Variants in FHOD3 observed in about 807,000 individuals in gnomAD.
FHOD3 encodes FH1/FH2 domain-containing protein 3.
Under a neutral mutation model 173.0 loss-of-function variants are expected in FHOD3, and 90 were observed. That is an observed-to-expected ratio of 0.52 (90% CI 0.44 to 0.62). The LOEUF is 0.62. Ranked by LOEUF, FHOD3 falls within the 20% of genes least tolerant of loss-of-function variation. FHOD3 has a pLI of 0.00. For synonymous variants in FHOD3, 828 were observed against 823.0 expected, an observed-to-expected ratio of 1.01 and a Z score of -0.10; for missense variants, 1,945 against 2,034.7, an observed-to-expected ratio of 0.96 and a Z score of 0.85.
chr18:36,719,586 A>G (rs1474366012), intron 19 of FHOD3, among the ~76,000 whole-genome samples: 6 of 152,218 alleles, frequency 3.9e-5, no homozygotes, highest in Non-Finnish European at 7.3e-5. Flanking sequence ...GGGGTAGGAG[A>G]AAGCACTTTG....
chr18:36,681,305 T>G, intron 14 of FHOD3, 131 bp from the exon 15 acceptor site: 1 of 1,045,230 alleles, frequency 9.6e-7, no homozygotes, highest in East Asian at 2.5e-5. Flanking sequence ...CCCGAGGCAT[T>G]CAGTGATTTT....
intron 24 of FHOD3, among the ~76,000 whole-genome samples, chr18:36,747,420 A>G (rs2042201730): frequency 1.3e-5 from 2 of 152,222 alleles, no homozygotes; most frequent in Admixed American, 1.3e-4. Context: ...TAACAAATTG[A>G]ACCCTGCATC....
At position 36,526,294 on chromosome 18, in the gene FHOD3, C is replaced by T. The variant is rs143036872; in HGVS notation, c.511+13751C>T. Among the ~76,000 whole-genome samples the T allele has an allele frequency of 2.4e-3, 367 of 152,230 alleles. 1 individual carries two copies. Among genetic ancestry groups the T allele is most frequent in the African/African-American group, 8.4e-3 (348 of 41,538 alleles). ...TGAAATCATTCTTTTTTTCCCCCCT[C>T]AATTTTGTTTGCATCAGCATTATGT... On this transcript the variant is annotated intron_variant, in intron 5 of 28. Transcript: ENST00000590592.
rs565028489 is a variant in FHOD3 at position 36,639,662 on chromosome 18, C to CAAA, written c.1197-9642_1197-9640dup. On this transcript the variant is annotated intron_variant, in intron 10 of 28. Transcript: ENST00000590592. ...TGGGCGACAGAGCGAGACTCCATCT[C>CAAA]AAAAAAAAAAAAAAGCTGGGCGTGG... Among the ~76,000 whole-genome samples the CAAA allele has an allele frequency of 1.4e-4, 11 of 77,872 alleles. No individual in the cohort carries two copies. The East Asian group carries it at 1.4e-3, about 10-fold the overall frequency. The allele number at this position is 77,872 out of a possible 152,430, so 51.1% of individuals were successfully genotyped here. A position where few individuals can be genotyped will look rare whatever the true frequency, so the allele number is the denominator to read the frequency against.
chr18:36,756,844 A>C (rs1162327150), intron 25 of FHOD3, among the ~76,000 whole-genome samples: 6 of 152,206 alleles, frequency 3.9e-5, no homozygotes, highest in Admixed American at 1.3e-4. Flanking sequence ...TCTGAATTCC[A>C]GTGCCATCAG....
chr18:36,716,222 G>A (rs955752040), intron 18 of FHOD3, among the ~76,000 whole-genome samples: 2 of 152,204 alleles, frequency 1.3e-5, no homozygotes, highest in East Asian at 1.9e-4. Context: ...CAGTGGGGAC[G>A]CCCCTGCAGT....
intron 6 of FHOD3, among the ~76,000 whole-genome samples, chr18:36,592,660 T>C (rs926400155): frequency 2.6e-4 from 40 of 152,280 alleles, no homozygotes; most frequent in African/African-American, 8.9e-4. Flanking sequence ...ACTTAGGCTC[T>C]TCCAGCACTG....
chr18:36,376,496 G>A (rs1314284963), intron 3 of FHOD3, among the ~76,000 whole-genome samples: 1 of 152,152 alleles, frequency 6.6e-6, no homozygotes, highest in Non-Finnish European at 1.5e-5. Flanking sequence ...CTGGCACAAA[G>A]GGCCTTTAGA....
chr18:36,464,885 A>G (rs1186562836), intron 3 of FHOD3, among the ~76,000 whole-genome samples: 1 of 152,080 alleles, frequency 6.6e-6, no homozygotes. Flanking sequence ...TAGGCCCCAA[A>G]ACACACAGGG....
chr18:36,515,549 A>C (rs1016961882), intron 5 of FHOD3, among the ~76,000 whole-genome samples: 5 of 152,164 alleles, frequency 3.3e-5, no homozygotes, highest in Non-Finnish European at 7.4e-5. Flanking sequence ...TCTGACCTGA[A>C]TCAGAAAGGT....
chr18:36,728,576 C>T (rs577689462), intron 19 of FHOD3, among the ~76,000 whole-genome samples: 1 of 151,512 alleles, frequency 6.6e-6, no homozygotes, highest in African/African-American at 2.4e-5. Flanking sequence ...GGGATGTTTT[C>T]AGTTGTTGTT....
chr18:36,324,182 A>G (rs1383633692), intron 1 of FHOD3, among the ~76,000 whole-genome samples: 1 of 152,248 alleles, frequency 6.6e-6, no homozygotes, highest in Non-Finnish European at 1.5e-5. Flanking sequence ...ATCCACATGG[A>G]AATAAATGCA....
intron 8 of FHOD3, among the ~76,000 whole-genome samples, chr18:36,604,144 C>T (rs1175856552): frequency 6.6e-6 from 1 of 152,174 alleles, no homozygotes; most frequent in Admixed American, 6.5e-5. Context: ...TGGAGTTTCT[C>T]CATTTGGATC....
intron 1 of FHOD3, among the ~76,000 whole-genome samples, chr18:36,354,297 C>T (rs750224319): frequency 6.6e-6 from 1 of 152,156 alleles, no homozygotes; most frequent in Admixed American, 6.5e-5. Flanking sequence ...TCCAGCTCCA[C>T]CATTTACTAG....
At chr18:36,512,958 G>T (rs566981442) in intron 5 of FHOD3, among the ~76,000 whole-genome samples, 7 of 152,270 alleles carry the variant, frequency 4.6e-5, no homozygotes, top group African/African-American at 1.4e-4. Context: ...ATCACCTGGG[G>T]CTTTTGTCAA....
At chr18:36,567,569 G>T (rs2058309354) in intron 5 of FHOD3, among the ~76,000 whole-genome samples, 1 of 152,186 alleles carries the variant, frequency 6.6e-6, no homozygotes, top group Non-Finnish European at 1.5e-5. Flanking sequence ...TAAATTCAAG[G>T]ATAAAATAGA....
At chr18:36,458,064 G>C (rs1282977117) in intron 3 of FHOD3, among the ~76,000 whole-genome samples, 1 of 152,100 alleles carries the variant, frequency 6.6e-6, no homozygotes, top group Non-Finnish European at 1.5e-5. Context: ...GGAGTAGGTG[G>C]CTTCCTTCAC....
intron 3 of FHOD3, among the ~76,000 whole-genome samples, chr18:36,464,910 G>A (rs2052816177): frequency 6.6e-6 from 1 of 152,114 alleles, no homozygotes; most frequent in Non-Finnish European, 1.5e-5. Context: ...CTGCCCTTCA[G>A]TGTCCGACTA....
intron 16 of FHOD3, among the ~76,000 whole-genome samples, chr18:36,687,639 A>C (rs1456950489): frequency 6.6e-6 from 1 of 152,160 alleles, no homozygotes; most frequent in Non-Finnish European, 1.5e-5. Context: ...AACTGTACTC[A>C]GCTCCTCGAT....
Sources: allele counts gnomAD v4.1 joint callset (sites outside exome capture counted in the v4.1 genomes callset), GRCh38; gene constraint gnomAD v4.1.1; transcripts MANE v1.5; gene names NCBI Gene and HGNC (gene_info 2026-07-23, HGNC 2026-07-21).